Variants in TRPM7 observed in about 807,000 individuals in gnomAD.
The protein encoded by TRPM7 is transient receptor potential cation channel subfamily M member 7.
Under a neutral mutation model 229.7 loss-of-function variants are expected in TRPM7, and 134 were observed. The ratio of observed to expected loss-of-function variants is 0.58; its 90% confidence interval spans 0.51 to 0.67. TRPM7 has a LOEUF of 0.67. Ranked by LOEUF, TRPM7 falls within the 30% of genes least tolerant of loss-of-function variation. The probability of loss-of-function intolerance (pLI) is 0.00; values close to 1 mark genes in which losing one functional copy is unlikely to be tolerated. For missense variants in TRPM7, 1,901 were observed against 2,210.0 expected, an observed-to-expected ratio of 0.86 and a Z score of 2.80; for synonymous variants, 699 against 715.2, an observed-to-expected ratio of 0.98 and a Z score of 0.36.
chr15:50,610,095 A>G (rs911950366), intron 17 of TRPM7, 134 bp from the exon 18 acceptor site: 4 of 644,890 alleles, frequency 6.2e-6, no homozygotes, highest in Non-Finnish European at 9.9e-6. Context: ...CTAGCAGTAG[A>G]GGGAAAAAAA....
Position 50,574,318 on chromosome 15 carries a change from G to A in TRPM7, c.5264C>T (p.Thr1755Ile). Residue 1755 changes from threonine (T) to isoleucine (I), a missense_variant, in exon 36 of 39, where the codon ACT becomes ATT. Thr to Ile is a moderately conservative substitution (Grantham distance 89). Transcript: ENST00000646667. ...EEIMLAFSHWTYEYTRGELLV... is the reference protein window; with the variant it reads ...EEIMLAFSHWIYEYTRGELLV... ...TAACTCCCCTCTTGTATATTCGTAA[G>A]TCCAGTGGCTAAAGGCTAGCATGAT... 6.2e-7 allele frequency: 1 copy of A among 1,613,922 alleles called. No homozygotes were observed. Among genetic ancestry groups the A allele is most frequent in the Non-Finnish European group, 8.5e-7 (1 of 1,179,934 alleles).
In TRPM7 at chr15:50,661,430, T is replaced by A. The variant is rs2061720509; in HGVS notation, c.83+1537A>T. Among the ~76,000 whole-genome samples, 3 of 152,214 alleles carry A rather than the reference T, an allele frequency of 2.0e-5. No individual in the cohort carries two copies. The South Asian group carries it at 6.2e-4, about 31-fold the overall frequency. On this transcript the variant is annotated intron_variant, in intron 2 of 38. Coordinates refer to ENST00000646667, the MANE Select transcript of TRPM7 (RefSeq NM_017672.6). ...GTTATTAATAATGACAGTCTTAATG[T>A]ATTGAAACTCTACGTATTGCTTCAA...
chr15:50,606,816 C>T (rs561363046), intron 20 of TRPM7, among the ~76,000 whole-genome samples: 1 of 152,246 alleles, frequency 6.6e-6, no homozygotes, highest in East Asian at 1.9e-4. Context: ...CTATTTATAA[C>T]TTACCTACCT....
At chr15:50,643,038 T>C (rs558590652) in intron 5 of TRPM7, among the ~76,000 whole-genome samples, 16 of 152,332 alleles carry the variant, frequency 1.1e-4, no homozygotes, top group Admixed American at 2.6e-4. Flanking sequence ...ATGCCTGTAA[T>C]CCCAGCATTT....
intron 28 of TRPM7, among the ~76,000 whole-genome samples, chr15:50,584,836 T>C (rs1030988472): frequency 5.9e-5 from 9 of 152,050 alleles, no homozygotes; most frequent in East Asian, 1.9e-4. Context: ...AGAATTCTTT[T>C]TCTTCCCTCC....
At chr15:50,683,279 AAAAG>A (rs1178425742) in intron 1 of TRPM7, among the ~76,000 whole-genome samples, 2 of 152,090 alleles carry the variant, frequency 1.3e-5, no homozygotes, top group African/African-American at 2.4e-5. Context: ...AGATTTCCCA[AAAAG>A]AAAGGAGAAA....
intron 1 of TRPM7, among the ~76,000 whole-genome samples, chr15:50,665,290 A>G (rs1357290883): frequency 6.6e-6 from 1 of 151,828 alleles, no homozygotes; most frequent in Non-Finnish European, 1.5e-5. Context: ...CCAACTACTC[A>G]GGAGGCTGAG....
intron 1 of TRPM7, among the ~76,000 whole-genome samples, chr15:50,673,015 T>C (rs142927504): frequency 9.3e-4 from 141 of 151,976 alleles, no homozygotes; most frequent in African/African-American, 3.3e-3. Context: ...CAAAAAGTTT[T>C]AAAATGTTTA....
intron 13 of TRPM7, among the ~76,000 whole-genome samples, chr15:50,614,598 G>C (rs1456417531): frequency 3.4e-5 from 5 of 147,498 alleles, no homozygotes; most frequent in African/African-American, 1.3e-4. Context: ...TTGGGAGGCG[G>C]AAGTTGCAGT....
chr15:50,644,169 A>G (rs777056209), intron 4 of TRPM7, among the ~76,000 whole-genome samples: 5 of 152,228 alleles, frequency 3.3e-5, no homozygotes, highest in Admixed American at 6.5e-5. Flanking sequence ...TCAACATTTC[A>G]TGGTGTTCGG....
rs1409956079 is a variant in TRPM7 at position 50,632,829 on chromosome 15, G to A, written c.1131+40C>T. 3 of 1,475,310 alleles carry A rather than the reference G, an allele frequency of 2.0e-6. No homozygotes were observed. In the African/African-American group the frequency reaches 4.4e-5, roughly 22 times the overall value. The allele number at this position is 1,475,310 out of a possible 1,614,324, so 91.4% of individuals were successfully genotyped here. ...AATGTGTTTTGAATGAAAGAAAAATGGCCTATCAGCTTTTTAAATTTCTGC... is the reference window on the plus strand; with the variant it reads ...AATGTGTTTTGAATGAAAGAAAAATAGCCTATCAGCTTTTTAAATTTCTGC... On this transcript the variant is annotated intron_variant, in intron 9 of 38. Transcript: ENST00000646667.
chr15:50,654,255 G>A (rs993995190), intron 3 of TRPM7, among the ~76,000 whole-genome samples: 3 of 151,370 alleles, frequency 2.0e-5, no homozygotes, highest in Middle Eastern at 3.2e-3. Context: ...AGACCAGTCT[G>A]GCCAACATAG....
At chr15:50,667,718 AC>A (rs1250848966) in intron 1 of TRPM7, among the ~76,000 whole-genome samples, 1 of 152,208 alleles carries the variant, frequency 6.6e-6, no homozygotes, top group African/African-American at 2.4e-5. Flanking sequence ...CTCCAAAAAA[AC>A]ATATTTAAAT....
In TRPM7 at chr15:50,661,344, T is replaced by C. The variant is rs2061717764; in HGVS notation, c.83+1623A>G. Reference sequence around the variant, plus strand: ...GTACATTTTGCATATAGACTGAATGTAGCACTACTTTAAAACAAAAGCAAT... The same window carrying C: ...GTACATTTTGCATATAGACTGAATGCAGCACTACTTTAAAACAAAAGCAAT... On this transcript the variant is annotated intron_variant, in intron 2 of 38. Coordinates refer to ENST00000646667, the MANE Select transcript of TRPM7 (RefSeq NM_017672.6). Among the ~76,000 whole-genome samples, 6 of 152,260 alleles carry C rather than the reference T, an allele frequency of 3.9e-5. No homozygotes were observed. In the South Asian group the frequency reaches 1.0e-3, roughly 26 times the overall value.
chr15:50,577,446 C>T (rs1229510165), intron 31 of TRPM7, among the ~76,000 whole-genome samples: 3 of 152,094 alleles, frequency 2.0e-5, no homozygotes, highest in African/African-American at 7.2e-5. Context: ...ACTCGGGAGG[C>T]TGAGGCAGGA....
At chr15:50,642,745 T>A (rs1010270628) in intron 5 of TRPM7, among the ~76,000 whole-genome samples, 2 of 152,176 alleles carry the variant, frequency 1.3e-5, no homozygotes, top group African/African-American at 4.8e-5. Flanking sequence ...TATAGCAGTA[T>A]GAAAACAGAC....
intron 1 of TRPM7, among the ~76,000 whole-genome samples, chr15:50,669,683 TA>T (rs773637563): frequency 6.6e-6 from 1 of 152,186 alleles, no homozygotes; most frequent in Admixed American, 6.5e-5. Context: ...TACCTGTCAG[TA>T]GATTCTAGTC....
At chr15:50,611,906 T>A (rs895005951) in intron 16 of TRPM7, among the ~76,000 whole-genome samples, 3 of 152,244 alleles carry the variant, frequency 2.0e-5, no homozygotes, top group Admixed American at 1.3e-4. Context: ...AAGTAAATTG[T>A]AAACTTTTAT....
intron 12 of TRPM7, 133 bp from the exon 13 acceptor site, chr15:50,619,931 T>C (rs969033063): frequency 1.4e-6 from 1 of 720,384 alleles, no homozygotes; most frequent in Non-Finnish European, 2.2e-6. Flanking sequence ...ATTCATAAAG[T>C]AGAACAACAA....
Sources: allele counts gnomAD v4.1 joint callset (sites outside exome capture counted in the v4.1 genomes callset), GRCh38; gene constraint gnomAD v4.1.1; transcripts MANE v1.5; gene names NCBI Gene and HGNC (gene_info 2026-07-23, HGNC 2026-07-21).